The following NBN variants were observed in gnomAD, a reference collection of about 807,000 sequenced individuals.
NBN encodes Nijmegen breakage syndrome 1 (nibrin).
A neutral mutation model predicts 90.8 loss-of-function variants in NBN; 88 were observed. That is an observed-to-expected ratio of 0.97 (90% CI 0.82 to 1.16). NBN has a LOEUF of 1.16. Ranked by LOEUF, NBN falls within the 50% of genes most tolerant of loss-of-function variation. The probability of loss-of-function intolerance (pLI) is 0.00; values close to 1 mark genes in which losing one functional copy is unlikely to be tolerated. For missense variants in NBN, 894 were observed against 869.6 expected (o/e 1.03, Z -0.35); for synonymous variants, 328 against 295.1 (o/e 1.11, Z -1.14).
intron 1 of NBN, 200 bp downstream of exon 1, chr8:89,984,325 C>G: frequency 1.6e-6 from 1 of 637,446 alleles, no homozygotes; most frequent in East Asian, 2.8e-5. Flanking sequence ...ACCCCACCGC[C>G]CGCGCTGAAT....
intron 8 of NBN, among the ~76,000 whole-genome samples, chr8:89,963,802 C>A (rs1811112682): frequency 6.6e-6 from 1 of 152,230 alleles, no homozygotes; most frequent in Non-Finnish European, 1.5e-5. Context: ...TGAACCTGTT[C>A]ATTTTTCTGC....
chr8:89,941,469 C>A (rs550116231), intron 14 of NBN, among the ~76,000 whole-genome samples: 2 of 152,134 alleles, frequency 1.3e-5, no homozygotes, highest in East Asian at 3.8e-4. Context: ...CTACCCATTC[C>A]GACTTACAGT....
In NBN at chr8:89,935,624, G is replaced by A. The variant is rs1554553904; in HGVS notation, c.2235-12C>T. On this transcript the variant is annotated splice_polypyrimidine_tract_variant and intron_variant, in intron 15 of 15. Transcript: ENST00000265433. ...AATAAGGATTGTATCTGCAAAGAAAGAAATGGGGTTAAATGATATTTAGAT... is the reference window on the plus strand; with the variant it reads ...AATAAGGATTGTATCTGCAAAGAAAAAAATGGGGTTAAATGATATTTAGAT... 5.0e-6 allele frequency: 8 copies of A among 1,604,920 alleles called. No individual in the cohort carries two copies. The highest frequency in any genetic ancestry group is 6.8e-6 in the Non-Finnish European group (8 of 1,172,706).
At chr8:89,982,327 C>G (rs765897074) in intron 2 of NBN, 2 of 285,616 alleles carry the variant, frequency 7.0e-6, no homozygotes, top group African/African-American at 4.5e-5. Flanking sequence ...TCATGAAGGT[C>G]TGTTCATTGT....
At chr8:89,979,525 TTTGTTGTTG>T (rs13312868) in intron 4 of NBN, among the ~76,000 whole-genome samples, 13 of 151,430 alleles carry the variant, frequency 8.6e-5, no homozygotes, top group Non-Finnish European at 1.5e-5. Flanking sequence ...GAACGCTTTT[TTTGTTGTTG>T]TTGTTGTTGT....
rs1327070021 is a variant in NBN, at chr8:89,939,325, A to G, written c.2185-2250T>C. ...AGTAGCCATGCAGCAAAAGCAAGTC[A>G]AGTCTGTTATAGAGTAAGTCCTACC... On this transcript the variant is annotated intron_variant, in intron 14 of 15. Transcript: ENST00000265433. Among the ~76,000 whole-genome samples the G allele has an allele frequency of 1.1e-4, 17 of 152,326 alleles. No individual in the cohort carries two copies. The East Asian group carries it at 3.3e-3, about 29-fold the overall frequency.
rs769862680 is a variant in NBN at position 89,953,687 on chromosome 8, T to C, written c.1402A>G (p.Arg468Gly). 6 of 1,607,700 alleles carry C rather than the reference T, an allele frequency of 3.7e-6. No individual in the cohort carries two copies. The South Asian group carries it at 5.5e-5, about 15-fold the overall frequency. ...GACATTTCTTGATTTTCTTCATCCCTTTCCCTTAGATTTAAAAAAAAAGAA... is the reference window on the plus strand; with the variant it reads ...GACATTTCTTGATTTTCTTCATCCCCTTCCCTTAGATTTAAAAAAAAAGAA... ...YFQPSTKKRE[R>G]DEENQEMSSC... Residue 468 changes from arginine (R) to glycine (G), a missense_variant, in exon 11 of 16, where the codon AGG becomes GGG. Physicochemically the swap from Arg to Gly is moderately radical, Grantham distance 125. Coordinates refer to ENST00000265433, the MANE Select transcript of NBN (RefSeq NM_002485.5).
intron 15 of NBN, among the ~76,000 whole-genome samples, chr8:89,936,527 GGTTT>G (rs13312972): frequency 0.31 from 47,497 of 151,682 alleles, 7,379 homozygotes; most frequent in East Asian, 0.4. Context: ...TATTATAATA[GGTTT>G]GTTAGGCCTG....
intron 1 of NBN, chr8:89,984,109 C>G (rs1273538416): frequency 4.2e-6 from 1 of 239,140 alleles, no homozygotes; most frequent in African/African-American, 2.3e-5. Flanking sequence ...TTTCCCCAAA[C>G]TGTCCAGTAG....
intron 11 of NBN, among the ~76,000 whole-genome samples, chr8:89,949,324 C>G (rs1370948036): frequency 6.6e-6 from 1 of 152,084 alleles, no homozygotes; most frequent in Non-Finnish European, 1.5e-5. Flanking sequence ...ATAAAAGTAT[C>G]CAATAAGTGG....
chr8:89,983,230 C>A (rs1010766351), intron 1 of NBN, among the ~76,000 whole-genome samples: 1 of 152,014 alleles, frequency 6.6e-6, no homozygotes, highest in East Asian at 1.9e-4. Flanking sequence ...AATGTATTAC[C>A]TAGCAACAAT....
intron 5 of NBN, among the ~76,000 whole-genome samples, chr8:89,975,436 A>C (rs2129867582): frequency 6.6e-6 from 1 of 152,330 alleles, no homozygotes; most frequent in East Asian, 1.9e-4. Flanking sequence ...TTAATTGAGT[A>C]CTCAGACAAA....
At chr8:89,963,533 G>A (rs1811096316) in intron 8 of NBN, among the ~76,000 whole-genome samples, 1 of 152,114 alleles carries the variant, frequency 6.6e-6, no homozygotes, top group African/African-American at 2.4e-5. Flanking sequence ...AAGAAGAAAA[G>A]AAATAAACCA....
intron 8 of NBN, among the ~76,000 whole-genome samples, chr8:89,959,974 T>G (rs1446415678): frequency 6.6e-6 from 1 of 152,234 alleles, no homozygotes; most frequent in Non-Finnish European, 1.5e-5. Flanking sequence ...ACTTGTTTAC[T>G]TGCTACTTTC....
chr8:89,941,430 T>C (rs1029177630), intron 14 of NBN, among the ~76,000 whole-genome samples: 3 of 152,206 alleles, frequency 2.0e-5, no homozygotes, highest in Non-Finnish European at 4.4e-5. Flanking sequence ...AACAAATAAT[T>C]GTATGTGAAG....
chr8:89,947,581 A>G (rs1810252472), intron 12 of NBN, among the ~76,000 whole-genome samples: 1 of 151,752 alleles, frequency 6.6e-6, no homozygotes, highest in Non-Finnish European at 1.5e-5. Context: ...GTGAGCCGAG[A>G]TCACACCATT....
At chr8:89,975,925 T>C (rs186285427) in intron 5 of NBN, among the ~76,000 whole-genome samples, 1 of 152,326 alleles carries the variant, frequency 6.6e-6, no homozygotes, top group East Asian at 1.9e-4. Flanking sequence ...CTCAAGAGGC[T>C]TCAGGGAAAA....
chr8:89,938,404 C>G (rs1393860445), intron 14 of NBN, among the ~76,000 whole-genome samples: 1 of 152,138 alleles, frequency 6.6e-6, no homozygotes, highest in Non-Finnish European at 1.5e-5. Flanking sequence ...TTTATTTTTA[C>G]TGTTACTAAT....
At position 89,984,531 on chromosome 8, in the gene NBN, C is replaced by T. The variant is rs764914981; in HGVS notation, c.31G>A (p.Ala11Thr). The change falls in exon 1 of 16, where the codon GCA becomes ACA. Residue 11 changes from alanine (A) to threonine (T), a missense_variant. Transcript: ENST00000265433. ...GCTTCCCTTCTGCCCTTACCTCCTG[C>T]CGGGCCCGCGGCGGGCAGCAGTTTC... MWKLLPAAGPAGGEPYRLLTG... is the reference protein window; with the variant it reads MWKLLPAAGPTGGEPYRLLTG... 1 of 1,613,130 alleles carries T rather than the reference C, an allele frequency of 6.2e-7. No individual in the cohort carries two copies.
Sources: allele counts gnomAD v4.1 joint callset (sites outside exome capture counted in the v4.1 genomes callset), GRCh38; gene constraint gnomAD v4.1.1; transcripts MANE v1.5; gene names NCBI Gene and HGNC (gene_info 2026-07-23, HGNC 2026-07-21).